The following FMN1 variants were observed in gnomAD, a reference collection of about 807,000 sequenced individuals.
FMN1 encodes the protein formin 1, also known as formin-1.
FMN1 carries 110 observed loss-of-function variants against 132.4 expected under a neutral mutation model. The ratio of observed to expected loss-of-function variants is 0.83; its 90% CI spans 0.71 to 0.97. The LOEUF is 0.97. Ranked by LOEUF, FMN1 falls within the 50% of genes least tolerant of loss-of-function variation. The probability of loss-of-function intolerance (pLI) is 0.00; values close to 1 mark genes in which losing one functional copy is unlikely to be tolerated. For synonymous variants in FMN1, 722 were observed against 651.7 expected, an observed-to-expected ratio of 1.11 and a Z score of -1.64; for missense variants, 1,792 against 1,705.3, an observed-to-expected ratio of 1.05 and a Z score of -0.90.
At chr15:32,792,646 C>T (rs1000384493) in intron 19 of FMN1, among the ~76,000 whole-genome samples, 4 of 152,122 alleles carry the variant, frequency 2.6e-5, no homozygotes, top group Non-Finnish European at 5.9e-5. Context: ...GCCTACATTT[C>T]CTGGTCTCCC....
chr15:33,141,941 C>T (rs925833428), intron 4 of FMN1, among the ~76,000 whole-genome samples: 5 of 152,098 alleles, frequency 3.3e-5, no homozygotes, highest in African/African-American at 1.2e-4. Context: ...ATCTGGGTGG[C>T]GCACACAGCA....
chr15:33,068,659 T>C (rs932010939), intron 5 of FMN1, among the ~76,000 whole-genome samples: 1 of 152,164 alleles, frequency 6.6e-6, no homozygotes, highest in Non-Finnish European at 1.5e-5. Context: ...TCCGCTTCCC[T>C]GCAGGTTTCA....
At chr15:33,102,434 T>C (rs981976906) in intron 4 of FMN1, among the ~76,000 whole-genome samples, 1 of 152,148 alleles carries the variant, frequency 6.6e-6, no homozygotes, top group African/African-American at 2.4e-5. Context: ...TTTAAGTAAA[T>C]GGAAGCTAGT....
chr15:32,897,966 CAG>C (rs1343129602), intron 15 of FMN1, among the ~76,000 whole-genome samples: 1 of 152,078 alleles, frequency 6.6e-6, no homozygotes, highest in African/African-American at 2.4e-5. Context: ...TAACAGAAAT[CAG>C]GGAAAAGTTT....
At chr15:32,884,251 C>T (rs925428236) in intron 16 of FMN1, among the ~76,000 whole-genome samples, 3 of 152,166 alleles carry the variant, frequency 2.0e-5, no homozygotes, top group Admixed American at 6.5e-5. Flanking sequence ...AAGGTGCTGA[C>T]AGGGCTGTAC....
At chr15:32,779,505 A>G (rs2056595308) in intron 19 of FMN1, among the ~76,000 whole-genome samples, 1 of 152,188 alleles carries the variant, frequency 6.6e-6, no homozygotes. Context: ...AATATCAAGT[A>G]AAACTGAAAG....
At chr15:33,013,161 C>T in intron 6 of FMN1, 3 of 375,722 alleles carry the variant, frequency 8.0e-6, no homozygotes, top group Non-Finnish European at 1.5e-5. Flanking sequence ...CTCAGCAAAG[C>T]ACAGTGGTGG....
At chr15:32,905,186 C>G (rs1407276154) in intron 12 of FMN1, among the ~76,000 whole-genome samples, 1 of 152,208 alleles carries the variant, frequency 6.6e-6, no homozygotes, top group Non-Finnish European at 1.5e-5. Context: ...GGTTACACAT[C>G]TACAGCAGCA....
chr15:33,118,150 G>A (rs1175152515), intron 4 of FMN1, among the ~76,000 whole-genome samples: 2 of 152,162 alleles, frequency 1.3e-5, no homozygotes, highest in African/African-American at 4.8e-5. Context: ...ACCACAAAAT[G>A]TAGTTTGCAA....
chr15:33,002,461 T>C (rs1436562933), intron 7 of FMN1, among the ~76,000 whole-genome samples: 1 of 152,342 alleles, frequency 6.6e-6, no homozygotes, highest in East Asian at 1.9e-4. Flanking sequence ...GGGTGGGTTT[T>C]TGTCTGTTCG....
intron 5 of FMN1, among the ~76,000 whole-genome samples, chr15:33,070,176 TG>T (rs1169248793): frequency 2.0e-5 from 3 of 151,602 alleles, no homozygotes; most frequent in Admixed American, 1.3e-4. Flanking sequence ...CGGCTAATTT[TG>T]TATTTTTAGT....
chr15:33,139,190 A>T (rs1385253545), intron 4 of FMN1, among the ~76,000 whole-genome samples: 2 of 152,204 alleles, frequency 1.3e-5, no homozygotes, highest in Non-Finnish European at 2.9e-5. Flanking sequence ...ACTGAAATGG[A>T]GTTGTGTATC....
intron 16 of FMN1, among the ~76,000 whole-genome samples, chr15:32,879,896 G>A (rs2059723861): frequency 6.6e-6 from 1 of 152,034 alleles, no homozygotes; most frequent in Admixed American, 6.5e-5. Flanking sequence ...CGTGCACGCA[G>A]TTTAAAGAAT....
At chr15:33,001,046 G>A (rs1018312819) in intron 7 of FMN1, among the ~76,000 whole-genome samples, 3 of 152,218 alleles carry the variant, frequency 2.0e-5, no homozygotes, top group Non-Finnish European at 4.4e-5. Context: ...ACTTTGGGAG[G>A]CCGAGACGGG....
chr15:32,992,785 T>C (rs1254466855), intron 7 of FMN1, among the ~76,000 whole-genome samples: 1 of 152,184 alleles, frequency 6.6e-6, no homozygotes, highest in African/African-American at 2.4e-5. Context: ...ATTAAATCTA[T>C]GTTATAAAGA....
At chr15:32,916,957 T>G (rs574775086) in intron 10 of FMN1, among the ~76,000 whole-genome samples, 20 of 152,166 alleles carry the variant, frequency 1.3e-4, no homozygotes, top group African/African-American at 4.8e-4. Flanking sequence ...CCCACAAAAC[T>G]CTGACAAACC....
chr15:33,180,743 C>T (rs79342726), intron 2 of FMN1, among the ~76,000 whole-genome samples: 20 of 87,512 alleles, frequency 2.3e-4, no homozygotes, highest in Admixed American at 6.7e-4. Flanking sequence ...TCTCCTGCTG[C>T]CTTTTTTTTT....
At chr15:33,145,344 C>T (rs1964174355) in intron 4 of FMN1, among the ~76,000 whole-genome samples, 1 of 151,844 alleles carries the variant, frequency 6.6e-6, no homozygotes, top group South Asian at 2.1e-4. Flanking sequence ...TGGATAAAAT[C>T]TAGTTCATTA....
At chr15:33,055,104 C>T (rs1411440324) in intron 6 of FMN1, among the ~76,000 whole-genome samples, 1 of 152,112 alleles carries the variant, frequency 6.6e-6, no homozygotes, top group Non-Finnish European at 1.5e-5. Flanking sequence ...GCATTAATAT[C>T]AATATAGACC....
Sources: gnomAD v4.1 joint callset for allele counts (sites outside exome capture counted in the v4.1 genomes callset) on GRCh38, gnomAD v4.1.1 for gene constraint, MANE v1.5 for transcripts, NCBI Gene and HGNC (gene_info 2026-07-23, HGNC 2026-07-21) for gene names.